The following DSCAML1 variants were observed in gnomAD, a reference collection of about 807,000 sequenced individuals.
The protein encoded by DSCAML1 is DS cell adhesion molecule like 1.
In DSCAML1, 38 loss-of-function variants were observed where a neutral mutation model predicts 200.5. That is an observed-to-expected ratio of 0.19 (90% CI 0.15 to 0.25). The LOEUF (loss-of-function observed/expected upper bound fraction) is 0.25, where lower values mean the gene tolerates loss of function less well. DSCAML1 is among the 10% of genes least tolerant of loss of function. The probability of loss-of-function intolerance (pLI) is 1.00; values close to 1 mark genes in which losing one functional copy is unlikely to be tolerated. For synonymous variants in DSCAML1, 1,215 were observed against 1,165.0 expected, an observed-to-expected ratio of 1.04 and a Z score of -0.87; for missense variants, 2,223 against 2,858.8, an observed-to-expected ratio of 0.78 and a Z score of 5.07.
intron 3 of DSCAML1, chr11:117,611,285 G>A (rs1416871786): frequency 3.3e-5 from 5 of 152,328 alleles, no homozygotes; most frequent in Admixed American, 2.6e-4. Context: ...TTGGGGAAGG[G>A]AAGCCATGTC....
At chr11:117,811,753 T>G (rs549088804) in intron 1 of DSCAML1, among the ~76,000 whole-genome samples, 1 of 152,206 alleles carries the variant, frequency 6.6e-6, no homozygotes. Context: ...AGACTGAGGC[T>G]GCCTGATTGC....
At chr11:117,769,327 TATATATA>T (rs1414160090) in intron 3 of DSCAML1, among the ~76,000 whole-genome samples, 343 of 9,874 alleles carry the variant, frequency 0.035, 49 homozygotes, top group African/African-American at 0.064. Context: ...ATATATTTTA[TATATATA>T]ATATATATTT....
chr11:117,472,112 A>C, intron 14 of DSCAML1, 76 bp from the exon 15 acceptor site: 1 of 1,554,200 alleles, frequency 6.4e-7, no homozygotes, highest in South Asian at 1.2e-5. Flanking sequence ...GTACCAGTAC[A>C]ACCCAATATT....
At chr11:117,776,467 C>T (rs2055130986) in intron 3 of DSCAML1, among the ~76,000 whole-genome samples, 1 of 152,032 alleles carries the variant, frequency 6.6e-6, no homozygotes, top group South Asian at 2.1e-4. Flanking sequence ...AGCCTTGCCT[C>T]CCGTCCCTCA....
At chr11:117,742,950 G>C (rs2054448006) in intron 3 of DSCAML1, among the ~76,000 whole-genome samples, 1 of 152,026 alleles carries the variant, frequency 6.6e-6, no homozygotes, top group African/African-American at 2.4e-5. Flanking sequence ...GCCTCTCCCT[G>C]TCTCCCATGT....
rs760178080 is a variant in DSCAML1, at chr11:117,780,754, C to T, written c.103G>A (p.Val35Met). Residue 35 changes from valine (V) to methionine (M), a missense_variant, in exon 2 of 33, where the codon GTG becomes ATG. This residue lies in a region of DSCAML1 where 579 missense variants were observed against 721.5 expected (regional missense o/e 0.80). Transcript: ENST00000651296. The surrounding 1 kb of genome is among the most constrained non-coding windows in gnomAD (Gnocchi z 4.8). Reference protein sequence around the residue: ...LYFVNDSLQQVTFSSSVGVVV... With the variant: ...LYFVNDSLQQMTFSSSVGVVV... Reference sequence around the variant, plus strand: ...ACCCCCACGGAGCTGGAAAAGGTCACCTGCTGCAAGGAGTCATTTACAAAG... The same window carrying T: ...ACCCCCACGGAGCTGGAAAAGGTCATCTGCTGCAAGGAGTCATTTACAAAG... 6.5e-7 allele frequency: 1 copy of T among 1,536,838 alleles called. No individual in the cohort carries two copies. The highest frequency in any genetic ancestry group is 8.7e-7 in the Non-Finnish European group (1 of 1,143,740).
At chr11:117,683,606 C>T (rs550852571) in intron 3 of DSCAML1, among the ~76,000 whole-genome samples, 2 of 152,328 alleles carry the variant, frequency 1.3e-5, no homozygotes, top group East Asian at 1.9e-4. Flanking sequence ...CCTTCTGCTT[C>T]CAGGCTTTTT....
chr11:117,774,244 A>C (rs2055089283), intron 3 of DSCAML1, among the ~76,000 whole-genome samples: 1 of 152,162 alleles, frequency 6.6e-6, no homozygotes, highest in Admixed American at 6.5e-5. Context: ...ATTTACCCTG[A>C]GTGCAGAAAG....
chr11:117,566,097 C>A (rs2050750546), intron 3 of DSCAML1, among the ~76,000 whole-genome samples: 1 of 152,208 alleles, frequency 6.6e-6, no homozygotes, highest in Non-Finnish European at 1.5e-5. Context: ...GCCATTTTAT[C>A]CTCCTGCAAT....
chr11:117,561,098 G>A (rs1010277428), intron 3 of DSCAML1, among the ~76,000 whole-genome samples: 5 of 152,224 alleles, frequency 3.3e-5, no homozygotes, highest in African/African-American at 1.2e-4. Context: ...TGGACACAGA[G>A]TTTATTGGTG....
At chr11:117,558,111 C>T (rs557287911) in intron 3 of DSCAML1, among the ~76,000 whole-genome samples, 4 of 151,916 alleles carry the variant, frequency 2.6e-5, no homozygotes, top group Non-Finnish European at 5.9e-5. Flanking sequence ...CGGGGATGGG[C>T]GATGAGGTTT....
At chr11:117,444,963 A>C (rs1354763901) in intron 20 of DSCAML1, among the ~76,000 whole-genome samples, 1 of 152,184 alleles carries the variant, frequency 6.6e-6, no homozygotes, top group East Asian at 1.9e-4. Context: ...GCGGAAGTCC[A>C]GGGAGGGAGA....
At chr11:117,482,357 G>A (rs2048946068) in intron 11 of DSCAML1, among the ~76,000 whole-genome samples, 195 bp from the exon 12 acceptor site, 1 of 152,176 alleles carries the variant, frequency 6.6e-6, no homozygotes, top group African/African-American at 2.4e-5. Context: ...CCTCTTCACC[G>A]GGGGTCCCAC....
chr11:117,791,051 G>C (rs942123701), intron 1 of DSCAML1, among the ~76,000 whole-genome samples: 2 of 152,220 alleles, frequency 1.3e-5, no homozygotes, highest in African/African-American at 4.8e-5. Context: ...CGAATGAGGG[G>C]AGTAGCAGCT....
At chr11:117,614,344 T>C (rs899494974) in intron 3 of DSCAML1, among the ~76,000 whole-genome samples, 1 of 152,182 alleles carries the variant, frequency 6.6e-6, no homozygotes, top group Non-Finnish European at 1.5e-5. Flanking sequence ...TATACACCAC[T>C]GGTTCTTAAC....
At chr11:117,450,411 G>T in intron 20 of DSCAML1, 138 bp downstream of exon 20, 2 of 1,257,556 alleles carry the variant, frequency 1.6e-6, no homozygotes, top group South Asian at 1.5e-5. Context: ...TGGGTGGCCA[G>T]TCCCCATTCT....
chr11:117,516,726 G>A lies in DSCAML1; in HGVS notation c.1524C>T (p.Ile508=). The A allele has an allele frequency of 1.2e-6, 2 of 1,613,100 alleles. No homozygotes were observed. The highest frequency in any genetic ancestry group is 1.7e-6 in the Non-Finnish European group (2 of 1,179,450). The change falls in exon 8 of 33, where the codon ATC becomes ATT. Residue 508 remains isoleucine, a synonymous_variant. Transcript: ENST00000651296. This position sits in a 1 kb window ranked among gnomAD's most constrained non-coding sequence, Gnocchi z 5.7. ...ARINVRGPPS[I]RAMRNITAVA... ...CTGCTGTGATGTTCCGCATAGCCCGGATGCTGGGTGGGCCTGGGCAGGAGT... is the reference window on the plus strand; with the variant it reads ...CTGCTGTGATGTTCCGCATAGCCCGAATGCTGGGTGGGCCTGGGCAGGAGT...
intron 3 of DSCAML1, among the ~76,000 whole-genome samples, chr11:117,649,041 A>ATATATATGTG (rs768621807): frequency 1.0e-4 from 14 of 137,844 alleles, no homozygotes; most frequent in Admixed American, 2.9e-4. Context: ...CTCCATATAT[A>ATATATATGTG]TGTGTGTGTG....
intron 3 of DSCAML1, among the ~76,000 whole-genome samples, chr11:117,537,255 G>A (rs912556645): frequency 6.6e-6 from 1 of 152,228 alleles, no homozygotes; most frequent in African/African-American, 2.4e-5. Flanking sequence ...ACGTCTTTCT[G>A]GAGTGTCTCC....
Sources: gnomAD v4.1 joint callset for allele counts (sites outside exome capture counted in the v4.1 genomes callset) on GRCh38, gnomAD v4.1.1 for gene constraint, gnomAD v4.1.1 regional missense constraint, Gnocchi (gnomAD v3.1) non-coding constraint, MANE v1.5 for transcripts, NCBI Gene and HGNC (gene_info 2026-07-23, HGNC 2026-07-21) for gene names.